NKAIN2: variants seen among roughly 807,000 people sequenced by gnomAD.
NKAIN2 encodes the protein sodium/potassium transporting ATPase interacting 2, also known as sodium/potassium-transporting ATPase subunit beta-1-interacting protein 2.
Under a neutral mutation model 32.6 loss-of-function variants are expected in NKAIN2, and 14 were observed. The ratio of observed to expected loss-of-function variants is 0.43; its 90% CI spans 0.28 to 0.67. NKAIN2 has a LOEUF of 0.67. Ranked by LOEUF, NKAIN2 falls within the 30% of genes least tolerant of loss-of-function variation. NKAIN2 has a pLI of 0.17. For synonymous variants in NKAIN2, 80 were observed against 87.2 expected (o/e 0.92, Z 0.46); for missense variants, 198 against 258.3 (o/e 0.77, Z 1.60).
At chr6:124,674,672 A>G (rs1395581235) in intron 4 of NKAIN2, among the ~76,000 whole-genome samples, 3 of 152,044 alleles carry the variant, frequency 2.0e-5, no homozygotes, top group Non-Finnish European at 4.4e-5. Flanking sequence ...CTGTTAATGT[A>G]TAGAAATACA....
chr6:123,971,255 A>C (rs919445257), intron 1 of NKAIN2, among the ~76,000 whole-genome samples: 1 of 152,098 alleles, frequency 6.6e-6, no homozygotes, highest in African/African-American at 2.4e-5. Flanking sequence ...TTCTCTTACA[A>C]GGCACTATTT....
intron 1 of NKAIN2, among the ~76,000 whole-genome samples, chr6:123,985,101 G>A (rs963958843): frequency 2.0e-5 from 3 of 151,758 alleles, no homozygotes; most frequent in African/African-American, 7.3e-5. Flanking sequence ...AATTCTACTG[G>A]TAAAAAATTG....
At chr6:124,339,030 T>G (rs1283900365) in intron 2 of NKAIN2, among the ~76,000 whole-genome samples, 4 of 152,162 alleles carry the variant, frequency 2.6e-5, no homozygotes, top group Non-Finnish European at 5.9e-5. Context: ...GGTTTAAAAC[T>G]GCAGAAATTG....
At chr6:123,932,180 A>G (rs1776279320) in intron 1 of NKAIN2, among the ~76,000 whole-genome samples, 1 of 152,068 alleles carries the variant, frequency 6.6e-6, no homozygotes, top group Admixed American at 6.6e-5. Flanking sequence ...AAGCTTTGGT[A>G]AGTGATTAAG....
chr6:124,440,300 G>A (rs1775634601), intron 3 of NKAIN2, among the ~76,000 whole-genome samples: 1 of 151,982 alleles, frequency 6.6e-6, no homozygotes, highest in African/African-American at 2.4e-5. Context: ...GATTCTACTG[G>A]TCCTCTTTTA....
chr6:124,575,874 T>C (rs779062602), intron 3 of NKAIN2, among the ~76,000 whole-genome samples: 5 of 152,192 alleles, frequency 3.3e-5, no homozygotes, highest in Non-Finnish European at 5.9e-5. Flanking sequence ...TTAAAAAATA[T>C]TTTCTTTATA....
At chr6:124,014,140 T>C (rs913508200) in intron 1 of NKAIN2, among the ~76,000 whole-genome samples, 1 of 152,210 alleles carries the variant, frequency 6.6e-6, no homozygotes, top group African/African-American at 2.4e-5. Flanking sequence ...ATGTTTTCTT[T>C]CATTTGCATT....
At chr6:124,793,107 T>C (rs1482077693) in intron 5 of NKAIN2, among the ~76,000 whole-genome samples, 1 of 152,006 alleles carries the variant, frequency 6.6e-6, no homozygotes, top group Non-Finnish European at 1.5e-5. Flanking sequence ...AGAGGATAGA[T>C]GTGCCATGAG....
intron 1 of NKAIN2, among the ~76,000 whole-genome samples, chr6:124,205,527 C>T (rs981252042): frequency 1.3e-5 from 2 of 151,482 alleles, no homozygotes; most frequent in South Asian, 4.2e-4. Context: ...GTTTTTTTCA[C>T]TAAGTCGTTC....
At chr6:124,055,582 G>T (rs1372650017) in intron 1 of NKAIN2, among the ~76,000 whole-genome samples, 1 of 151,836 alleles carries the variant, frequency 6.6e-6, no homozygotes, top group Non-Finnish European at 1.5e-5. Context: ...TAGGAACAAG[G>T]GTCCCCTTAG....
At chr6:123,931,455 G>T (rs1175794297) in intron 1 of NKAIN2, among the ~76,000 whole-genome samples, 2 of 151,996 alleles carry the variant, frequency 1.3e-5, no homozygotes, top group Non-Finnish European at 2.9e-5. Context: ...TATGATATTT[G>T]CTGGATTCTG....
chr6:124,192,403 ATACTT>A (rs772808071), intron 1 of NKAIN2, among the ~76,000 whole-genome samples: 20 of 152,184 alleles, frequency 1.3e-4, no homozygotes, highest in Non-Finnish European at 2.8e-4. Flanking sequence ...GTTTTTCTAA[ATACTT>A]TACTGATAGT....
At chr6:124,255,709 A>G (rs1333938446) in intron 1 of NKAIN2, among the ~76,000 whole-genome samples, 1 of 152,240 alleles carries the variant, frequency 6.6e-6, no homozygotes, top group Non-Finnish European at 1.5e-5. Context: ...TGTGTTGCTC[A>G]TTGATGCACA....
At chr6:124,641,259 A>C (rs980470815) in intron 3 of NKAIN2, among the ~76,000 whole-genome samples, 22 of 152,176 alleles carry the variant, frequency 1.4e-4, no homozygotes, top group African/African-American at 5.3e-4. Context: ...CTTTCATAAA[A>C]ATGCAATATT....
chr6:123,888,983 C>CA (rs1773864816), intron 1 of NKAIN2, among the ~76,000 whole-genome samples: 1 of 152,108 alleles, frequency 6.6e-6, no homozygotes, highest in African/African-American at 2.4e-5. Context: ...CGAGCTGTAT[C>CA]ATGTACTTTC....
chr6:124,560,078 C>T (rs992660678), intron 3 of NKAIN2, among the ~76,000 whole-genome samples: 12 of 151,908 alleles, frequency 7.9e-5, no homozygotes, highest in African/African-American at 7.3e-5. Context: ...TATTATTTAT[C>T]GACAAGGAAA....
chr6:124,319,066 G>A (rs958885419), intron 2 of NKAIN2, among the ~76,000 whole-genome samples: 4 of 151,984 alleles, frequency 2.6e-5, no homozygotes, highest in African/African-American at 9.7e-5. Context: ...TTAGGCCTAT[G>A]TGCCCCACTG....
intron 1 of NKAIN2, among the ~76,000 whole-genome samples, chr6:124,040,771 T>C (rs1053271156): frequency 9.9e-5 from 15 of 151,986 alleles, no homozygotes; most frequent in African/African-American, 3.6e-4. Context: ...AACAAGTTAC[T>C]TAACATCTTT....
intron 2 of NKAIN2, among the ~76,000 whole-genome samples, chr6:124,287,528 C>A (rs1795610530): frequency 6.6e-6 from 1 of 152,138 alleles, no homozygotes; most frequent in Admixed American, 6.5e-5. Flanking sequence ...GAGCTTCTGT[C>A]ACTTTGCAGA....
Sources: allele counts gnomAD v4.1 joint callset (sites outside exome capture counted in the v4.1 genomes callset), GRCh38; gene constraint gnomAD v4.1.1; transcripts MANE v1.5; gene names NCBI Gene and HGNC (gene_info 2026-07-23, HGNC 2026-07-21).